The following RPAP2 variants were observed in gnomAD, a reference collection of about 807,000 sequenced individuals.
RPAP2 encodes putative RNA polymerase II subunit B1 CTD phosphatase RPAP2.
A neutral mutation model predicts 73.1 loss-of-function variants in RPAP2; 52 were observed. The ratio of observed to expected loss-of-function variants is 0.71; its 90% CI spans 0.57 to 0.90. The LOEUF is 0.90. Among genes scored for constraint, RPAP2 ranks in the 40% least tolerant of loss-of-function variants. The pLI, the probability that RPAP2 is intolerant of heterozygous loss-of-function variation, is 0.00. For synonymous variants in RPAP2, 225 were observed against 242.1 expected (o/e 0.93, Z 0.65); for missense variants, 598 against 701.8 (o/e 0.85, Z 1.67).
In RPAP2 at chr1:92,304,326, G is replaced by C. The variant is rs781656515; in HGVS notation, c.376G>C (p.Val126Leu). The C allele has an allele frequency of 1.3e-6, 2 of 1,524,430 alleles. No individual in the cohort carries two copies. Among genetic ancestry groups the C allele is most frequent in the African/African-American group, 2.8e-5 (2 of 72,120 alleles). 94.4% of individuals were successfully genotyped at this position (1,524,430 alleles called of 1,614,324 possible). The part of the protein sequence containing the change: ...KYKISTKTNK[V>L]YDITERKSFC... Reference sequence around the variant, plus strand: ...TAAAATTTCTACCAAAACCAATAAAGTCTATGATATTACTGAAAGAAAGGT... The same window carrying C: ...TAAAATTTCTACCAAAACCAATAAACTCTATGATATTACTGAAAGAAAGGT... The change falls in exon 5 of 13, where the codon GTC becomes CTC. Residue 126 changes from valine (V) to leucine (L), a missense_variant. Around this residue, in one of 3 missense-constraint regions of RPAP2, gnomAD observed 506 missense variants for 612.8 expected, o/e 0.83. Transcript: ENST00000610020.
intron 11 of RPAP2, among the ~76,000 whole-genome samples, chr1:92,367,598 T>C (rs894753297): frequency 6.6e-6 from 1 of 152,220 alleles, no homozygotes; most frequent in African/African-American, 2.4e-5. Context: ...ATCACCTTTA[T>C]GCATGGTAAT....
intron 6 of RPAP2, among the ~76,000 whole-genome samples, chr1:92,312,168 T>C (rs1651629657): frequency 6.6e-6 from 1 of 152,196 alleles, no homozygotes; most frequent in Admixed American, 6.5e-5. Flanking sequence ...CCCAGCATTG[T>C]TGCGGGGCAA....
At chr1:92,344,522 GTTTA>G (rs1653775288) in intron 10 of RPAP2, among the ~76,000 whole-genome samples, 1 of 152,098 alleles carries the variant, frequency 6.6e-6, no homozygotes, top group Non-Finnish European at 1.5e-5. Context: ...ATATGCCACA[GTTTA>G]TTTTTCTATT....
At chr1:92,373,137 TTAA>T (rs779953588) in intron 11 of RPAP2, among the ~76,000 whole-genome samples, 52 of 151,724 alleles carry the variant, frequency 3.4e-4, no homozygotes, top group Non-Finnish European at 5.9e-4. Flanking sequence ...TAGACAATTA[TTAA>T]TGATGATGGA....
chr1:92,345,357 A>G (rs1220724272), intron 10 of RPAP2, among the ~76,000 whole-genome samples: 1 of 147,110 alleles, frequency 6.8e-6, no homozygotes, highest in Non-Finnish European at 1.5e-5. Flanking sequence ...AGCCCAGGCA[A>G]CATAGCAAGA....
intron 11 of RPAP2, among the ~76,000 whole-genome samples, chr1:92,376,935 G>C (rs1285985134): frequency 1.3e-5 from 2 of 152,068 alleles, no homozygotes; most frequent in Non-Finnish European, 2.9e-5. Flanking sequence ...GTTAAATGGA[G>C]GTGACAACTA....
intron 11 of RPAP2, among the ~76,000 whole-genome samples, chr1:92,372,058 C>T (rs1432526887): frequency 1.3e-5 from 2 of 152,066 alleles, no homozygotes; most frequent in Non-Finnish European, 2.9e-5. Flanking sequence ...ATTAGCTTGA[C>T]GCAGTCATTC....
Position 92,323,593 on chromosome 1 carries a change from T to C in RPAP2, c.673T>C (p.Ser225Pro). The C allele has an allele frequency of 1.2e-6, 2 of 1,614,062 alleles. No homozygotes were observed. The highest frequency in any genetic ancestry group is 8.5e-7 in the Non-Finnish European group (1 of 1,179,996). ...CAGTGACAATGAGCAAGACTTTGTT[T>C]CCTCCATTCTACCAGGAAACAGACC... ...SSSDNEQDFV[S>P]SILPGNRPNS... The change falls in exon 8 of 13, where the codon TCC (serine) becomes CCC (proline). Residue 225 changes from serine to proline, a missense_variant. Transcript: ENST00000610020.
chr1:92,353,182 T>C (rs1654300086), intron 11 of RPAP2, among the ~76,000 whole-genome samples: 1 of 152,228 alleles, frequency 6.6e-6, no homozygotes, highest in Non-Finnish European at 1.5e-5. Flanking sequence ...TGTGAGCATA[T>C]GTTTTATGTT....
intron 11 of RPAP2, among the ~76,000 whole-genome samples, chr1:92,379,672 C>T (rs1009363655): frequency 5.9e-5 from 9 of 152,098 alleles, no homozygotes; most frequent in African/African-American, 1.4e-4. Context: ...TGGTGGCTCA[C>T]GCTTGTAATC....
At chr1:92,368,411 C>G (rs1655015520) in intron 11 of RPAP2, among the ~76,000 whole-genome samples, 1 of 152,120 alleles carries the variant, frequency 6.6e-6, no homozygotes, top group South Asian at 2.1e-4. Flanking sequence ...TCGTTACTGA[C>G]TTTTATTGTA....
intron 12 of RPAP2, among the ~76,000 whole-genome samples, chr1:92,381,566 G>C (rs932112937): frequency 6.8e-6 from 1 of 147,924 alleles, no homozygotes; most frequent in South Asian, 2.1e-4. Context: ...AGCTACAAAT[G>C]AGATTCTCTC....
chr1:92,374,174 G>C (rs1194516920), intron 11 of RPAP2, among the ~76,000 whole-genome samples: 1 of 152,004 alleles, frequency 6.6e-6, no homozygotes, highest in Non-Finnish European at 1.5e-5. Context: ...AAGCCAACAA[G>C]AGAGATTATA....
At chr1:92,372,330 A>G (rs1327083934) in intron 11 of RPAP2, among the ~76,000 whole-genome samples, 3 of 152,172 alleles carry the variant, frequency 2.0e-5, no homozygotes, top group Non-Finnish European at 4.4e-5. Flanking sequence ...TTTCCTTTGT[A>G]GTTCTGGAAG....
rs1652761228 is a variant in RPAP2, at chr1:92,328,243, A to C, written c.1455+3868A>C. On this transcript the variant is annotated intron_variant, in intron 8 of 12. Coordinates refer to ENST00000610020, the MANE Select transcript of RPAP2 (RefSeq NM_024813.3). Reference sequence around the variant, plus strand: ...AAGTTTTCCTTGATTATTCCCTCAAATATGTTTTCCAAACTTTTAGATTTC... The same window carrying C: ...AAGTTTTCCTTGATTATTCCCTCAACTATGTTTTCCAAACTTTTAGATTTC... Among the ~76,000 whole-genome samples, 3 of 152,294 alleles carry C rather than the reference A, an allele frequency of 2.0e-5. No homozygotes were observed. The South Asian group carries it at 6.2e-4, about 32-fold the overall frequency.
chr1:92,315,418 A>G (rs751737776), intron 6 of RPAP2, among the ~76,000 whole-genome samples: 42 of 152,212 alleles, frequency 2.8e-4, no homozygotes, highest in Non-Finnish European at 4.7e-4. Flanking sequence ...TAATTACCAA[A>G]CTGTGACACA....
At chr1:92,378,307 C>T (rs368663735) in intron 11 of RPAP2, among the ~76,000 whole-genome samples, 4 of 152,126 alleles carry the variant, frequency 2.6e-5, no homozygotes, top group East Asian at 1.9e-4. Flanking sequence ...TGGGTTCAAG[C>T]GATTCTCCTA....
At chr1:92,308,681 C>G (rs1651391464) in intron 6 of RPAP2, among the ~76,000 whole-genome samples, 1 of 152,206 alleles carries the variant, frequency 6.6e-6, no homozygotes, top group Non-Finnish European at 1.5e-5. Flanking sequence ...ATCTTCCAGC[C>G]TGGTGTAGTG....
At chr1:92,377,450 G>A (rs578012572) in intron 11 of RPAP2, among the ~76,000 whole-genome samples, 9 of 151,352 alleles carry the variant, frequency 5.9e-5, no homozygotes, top group East Asian at 5.8e-4. Flanking sequence ...CCTGGGAGGC[G>A]GAGGTTGCAG....
Sources: allele counts gnomAD v4.1 joint callset (sites outside exome capture counted in the v4.1 genomes callset), GRCh38; gene constraint gnomAD v4.1.1; regional missense constraint gnomAD v4.1.1; transcripts MANE v1.5; gene names NCBI Gene and HGNC (gene_info 2026-07-23, HGNC 2026-07-21).